Variants in OSBP2 observed in about 807,000 individuals in gnomAD.
The protein encoded by OSBP2 is oxysterol-binding protein 2.
In OSBP2, 66 loss-of-function variants were observed where a neutral mutation model predicts 96.0. That is an observed-to-expected ratio of 0.69 (90% CI 0.56 to 0.84). OSBP2 has a LOEUF of 0.84. Ranked by LOEUF, OSBP2 falls within the 40% of genes least tolerant of loss-of-function variation. The pLI, the probability that OSBP2 is intolerant of heterozygous loss-of-function variation, is 0.00. For missense variants in OSBP2, 1,038 were observed against 1,222.7 expected (o/e 0.85, Z 2.25); for synonymous variants, 525 against 520.9 (o/e 1.01, Z -0.11).
chr22:30,780,959 A>G (rs1293939345), intron 2 of OSBP2, among the ~76,000 whole-genome samples: 1 of 151,934 alleles, frequency 6.6e-6, no homozygotes. Context: ...CCTCATGTAC[A>G]GTTTTTATTT....
At chr22:30,893,093 A>G (rs1225106469) in intron 8 of OSBP2, 29 bp from the exon 9 acceptor site, 2 of 1,610,400 alleles carry the variant, frequency 1.2e-6, no homozygotes, top group South Asian at 1.1e-5. Context: ...TGTCTGGCAG[A>G]TGCTCACATC....
In OSBP2 at chr22:30,890,828, A is replaced by G; in HGVS notation, c.1724A>G (p.Glu575Gly). 1.2e-6 allele frequency: 2 copies of G among 1,613,728 alleles called. No individual in the cohort carries two copies. Among genetic ancestry groups the G allele is most frequent in the Non-Finnish European group, 1.7e-6 (2 of 1,179,992 alleles). ...DKAVHCTSSV[E>G]QMCLVAAFSV... is the part of the protein sequence containing the mutation. ...GCAGTGCACTGCACCAGCTCAGTGG[A>G]GCAGATGTGCCTGGTGGCCGCCTTC... The change falls in exon 8 of 14, where the codon GAG becomes GGG. Residue 575 changes from glutamate to glycine, a missense_variant. Physicochemically the swap from Glu to Gly is moderately conservative, Grantham distance 98. This residue lies in a region of OSBP2 where 737 missense variants were observed against 913.3 expected (regional missense o/e 0.81). Transcript: ENST00000332585. The surrounding 1 kb of genome is among the most constrained non-coding windows in gnomAD (Gnocchi z 4.4).
At chr22:30,734,867 A>C (rs950903546) in intron 1 of OSBP2, among the ~76,000 whole-genome samples, 16 of 152,192 alleles carry the variant, frequency 1.1e-4, no homozygotes, top group Non-Finnish European at 1.8e-4. Flanking sequence ...TTCCTTCCAA[A>C]TAATGTAGAA....
intron 2 of OSBP2, among the ~76,000 whole-genome samples, chr22:30,834,897 C>A (rs2038601355): frequency 6.6e-6 from 1 of 151,666 alleles, no homozygotes. Flanking sequence ...CTCACTGCAA[C>A]CTCTGCCTCC....
intron 2 of OSBP2, among the ~76,000 whole-genome samples, chr22:30,846,894 CTGT>C (rs1201739691): frequency 6.6e-6 from 1 of 151,950 alleles, no homozygotes; most frequent in Admixed American, 6.6e-5. Flanking sequence ...GTATATTGGT[CTGT>C]TGTTTTCTTT....
chr22:30,806,815 A>T (rs1405353731), intron 2 of OSBP2, among the ~76,000 whole-genome samples: 1 of 152,134 alleles, frequency 6.6e-6, no homozygotes, highest in East Asian at 1.9e-4. Context: ...TAGCAGCTCC[A>T]TCTGGCCCCT....
chr22:30,724,028 G>A (rs947067670), intron 1 of OSBP2, among the ~76,000 whole-genome samples: 1 of 152,098 alleles, frequency 6.6e-6, no homozygotes, highest in Non-Finnish European at 1.5e-5. Context: ...ATCAGTCTGT[G>A]CTCTGCCTAT....
At position 30,753,215 on chromosome 22, in the gene OSBP2, G is replaced by A. The variant is rs1055450845; in HGVS notation, c.853+11846G>A. ...TTGCATATGGATTAGCACAGTGTAA[G>A]GTAGGAGGCCCTCAGTGTCTTGGGG... is the stretch of plus-strand genomic sequence containing the variant. On this transcript the variant is annotated intron_variant, in intron 2 of 13. Transcript: ENST00000332585. Among the ~76,000 whole-genome samples the A allele has an allele frequency of 1.8e-4, 27 of 152,278 alleles. 4 individuals carry two copies. The highest frequency in any genetic ancestry group is 1.5e-3 in the Admixed American group (23 of 15,282).
intron 3 of OSBP2, among the ~76,000 whole-genome samples, chr22:30,885,362 C>T (rs1429054046): frequency 6.6e-6 from 1 of 152,176 alleles, no homozygotes; most frequent in African/African-American, 2.4e-5. Flanking sequence ...GATTTGATCT[C>T]ACTGCCCTCC....
intron 1 of OSBP2, among the ~76,000 whole-genome samples, chr22:30,709,103 AAAT>A (rs949815190): frequency 6.6e-6 from 1 of 152,060 alleles, no homozygotes; most frequent in Non-Finnish European, 1.5e-5. Flanking sequence ...TCCATCTCAA[AAAT>A]AATAATAATA....
chr22:30,717,601 A>T (rs2089484536), intron 1 of OSBP2, among the ~76,000 whole-genome samples: 1 of 152,222 alleles, frequency 6.6e-6, no homozygotes, highest in Non-Finnish European at 1.5e-5. Context: ...TGTACTTACA[A>T]AAAGAATGAT....
rs373681969 is a variant in OSBP2, at chr22:30,905,967, G to A, written c.2506G>A (p.Glu836Lys). The stretch of plus-strand genomic sequence containing the variant: ...GCTGATGGAGAAGGGCCGTTGGGAC[G>A]AGGCCAATACCGAGAAGCAGCGGCT... ...QRLMEKGRWD[E>K]ANTEKQRLEE... The change falls in exon 13 of 14, where the codon GAG (glutamate) becomes AAG (lysine). Residue 836 changes from glutamate (E) to lysine (K), a missense_variant. By Grantham distance (56) the Glu-to-Lys change is moderately conservative. Coordinates refer to ENST00000332585, the MANE Select transcript of OSBP2 (RefSeq NM_030758.4). The A allele has an allele frequency of 1.0e-4, 161 of 1,609,906 alleles. 3 individuals are homozygous for A. The South Asian group carries it at 1.3e-3, about 13-fold the overall frequency.
intron 2 of OSBP2, among the ~76,000 whole-genome samples, chr22:30,742,027 C>T (rs1317542227): frequency 5.9e-5 from 9 of 151,894 alleles, no homozygotes; most frequent in Admixed American, 2.0e-4. Flanking sequence ...ATCACGTTGG[C>T]CAGGCTGGTC....
At chr22:30,725,175 CAAAAACAA>C (rs1555908214) in intron 1 of OSBP2, among the ~76,000 whole-genome samples, 11 of 120,932 alleles carry the variant, frequency 9.1e-5, no homozygotes, top group Non-Finnish European at 1.3e-4. Context: ...GACTCTGTCT[CAAAAACAA>C]AAAAACAAAA....
At chr22:30,875,325 C>T (rs2039555370) in intron 3 of OSBP2, among the ~76,000 whole-genome samples, 1 of 152,010 alleles carries the variant, frequency 6.6e-6, no homozygotes, top group South Asian at 2.1e-4. Flanking sequence ...ACACTGGGCT[C>T]CAGCCTCCCT....
At chr22:30,784,980 G>GC (rs983740639) in intron 2 of OSBP2, among the ~76,000 whole-genome samples, 1 of 151,516 alleles carries the variant, frequency 6.6e-6, no homozygotes, top group Non-Finnish European at 1.5e-5. Flanking sequence ...CACCACGTAG[G>GC]CCAGGCTGGT....
chr22:30,749,767 C>A (rs915114498), intron 2 of OSBP2, among the ~76,000 whole-genome samples: 15 of 152,132 alleles, frequency 9.9e-5, no homozygotes, highest in Non-Finnish European at 2.1e-4. Flanking sequence ...GCCACCATGC[C>A]TGGCTGATTT....
At chr22:30,791,234 A>G (rs1374110496) in intron 2 of OSBP2, among the ~76,000 whole-genome samples, 2 of 147,754 alleles carry the variant, frequency 1.4e-5, no homozygotes, top group Non-Finnish European at 3.0e-5. Context: ...GGCCTCCCAC[A>G]CTGTTGGGAT....
At chr22:30,896,115 G>A (rs932607880) in intron 12 of OSBP2, among the ~76,000 whole-genome samples, 1 of 151,792 alleles carries the variant, frequency 6.6e-6, no homozygotes, top group Non-Finnish European at 1.5e-5. Context: ...TGCCTCCCAG[G>A]TTCAAGCGAT....
Sources: gnomAD v4.1 joint callset for allele counts (sites outside exome capture counted in the v4.1 genomes callset) on GRCh38, gnomAD v4.1.1 for gene constraint, gnomAD v4.1.1 regional missense constraint, Gnocchi (gnomAD v3.1) non-coding constraint, MANE v1.5 for transcripts, NCBI Gene and HGNC (gene_info 2026-07-23, HGNC 2026-07-21) for gene names.